PTPRN2: variants seen among roughly 807,000 people sequenced by gnomAD.
The protein encoded by PTPRN2 is protein tyrosine phosphatase receptor type N2, also known as receptor-type tyrosine-protein phosphatase N2.
PTPRN2 carries 74 observed loss-of-function variants against 118.8 expected under a neutral mutation model. That is an observed-to-expected ratio of 0.62 (90% CI 0.52 to 0.76). PTPRN2 has a LOEUF of 0.76. Ranked by LOEUF, PTPRN2 falls within the 30% of genes least tolerant of loss-of-function variation. The probability of loss-of-function intolerance (pLI) is 0.00; values close to 1 mark genes in which losing one functional copy is unlikely to be tolerated. For synonymous variants in PTPRN2, 641 were observed against 608.0 expected (o/e 1.05, Z -0.80); for missense variants, 1,481 against 1,394.4 (o/e 1.06, Z -0.99).
chr7:157,923,205 C>T (rs1176760668), intron 11 of PTPRN2, among the ~76,000 whole-genome samples: 1 of 152,224 alleles, frequency 6.6e-6, no homozygotes, highest in Admixed American at 6.5e-5. Context: ...TTATTCTTAA[C>T]CCTGACCTAT....
intron 5 of PTPRN2, among the ~76,000 whole-genome samples, chr7:158,177,031 T>C (rs142403746): frequency 3.6e-4 from 55 of 152,298 alleles, no homozygotes; most frequent in African/African-American, 1.2e-3. Flanking sequence ...TGGTGACAGT[T>C]TGGGGCTGTT....
chr7:158,511,960 C>T (rs952623080), intron 1 of PTPRN2, among the ~76,000 whole-genome samples: 1 of 152,118 alleles, frequency 6.6e-6, no homozygotes, highest in Non-Finnish European at 1.5e-5. Context: ...TTCTATGTTA[C>T]TGTAACTGTG....
intron 11 of PTPRN2, among the ~76,000 whole-genome samples, chr7:157,951,474 G>A (rs1800803292): frequency 6.6e-6 from 1 of 152,146 alleles, no homozygotes; most frequent in African/African-American, 2.4e-5. Flanking sequence ...ATGCTCATAG[G>A]AAGGGACTAA....
chr7:158,130,221 G>A (rs113124569), intron 9 of PTPRN2, among the ~76,000 whole-genome samples: 2,886 of 152,292 alleles, frequency 0.019, 73 homozygotes, highest in African/African-American at 0.058. Flanking sequence ...CGCAGAGCCC[G>A]CAGGACAGAT....
intron 3 of PTPRN2, among the ~76,000 whole-genome samples, chr7:158,245,124 A>G (rs1796136202): frequency 6.6e-6 from 1 of 152,218 alleles, no homozygotes; most frequent in Admixed American, 6.5e-5. Flanking sequence ...ATCCATGGTC[A>G]TGCCGGAATC....
intron 13 of PTPRN2, among the ~76,000 whole-genome samples, chr7:157,680,713 A>C (rs1268663958): frequency 6.6e-6 from 1 of 152,216 alleles, no homozygotes; most frequent in African/African-American, 2.4e-5. Flanking sequence ...CCTAAAGGGC[A>C]TTTTGTGGTG....
At position 158,078,718 on chromosome 7, in the gene PTPRN2, C is replaced by T. The variant is rs147125746; in HGVS notation, c.1723+2580G>A. ...CTCCCAAGGCCAATGGGCGAGTCAC[C>T]AGTCACCAACCGTGCTAAGCGCTCT... is the stretch of plus-strand genomic sequence containing the variant. On this transcript the variant is annotated intron_variant, in intron 11 of 22. Transcript: ENST00000389418. Among the ~76,000 whole-genome samples the T allele has an allele frequency of 5.7e-3, 861 of 152,312 alleles. 5 individuals are homozygous for T. Among genetic ancestry groups the T allele is most frequent in the African/African-American group, 0.019 (797 of 41,566 alleles).
At chr7:157,886,663 G>A (rs898914582) in intron 12 of PTPRN2, among the ~76,000 whole-genome samples, 1 of 152,222 alleles carries the variant, frequency 6.6e-6, no homozygotes, top group African/African-American at 2.4e-5. Context: ...TAATTATATC[G>A]AAAATACATT....
intron 2 of PTPRN2, among the ~76,000 whole-genome samples, chr7:158,327,791 C>T (rs1278377464): frequency 6.6e-6 from 1 of 152,136 alleles, no homozygotes; most frequent in Admixed American, 6.5e-5. Context: ...ATCTGTAAAT[C>T]CCGGTGCCCT....
intron 11 of PTPRN2, among the ~76,000 whole-genome samples, chr7:157,935,636 T>C (rs530462994): frequency 6.6e-6 from 1 of 152,376 alleles, no homozygotes; most frequent in East Asian, 1.9e-4. Context: ...CTCTTCTTTA[T>C]GGGTCCTAAT....
chr7:158,384,884 G>C (rs1221089631), intron 2 of PTPRN2, among the ~76,000 whole-genome samples: 1 of 152,070 alleles, frequency 6.6e-6, no homozygotes, highest in East Asian at 1.9e-4. Context: ...CACCTCTGCA[G>C]CATGTGGGCT....
intron 3 of PTPRN2, among the ~76,000 whole-genome samples, chr7:158,283,981 G>C (rs1284184787): frequency 1.3e-5 from 2 of 152,128 alleles, no homozygotes; most frequent in Non-Finnish European, 2.9e-5. Flanking sequence ...CCAGGGTTCG[G>C]GCATCAAGAT....
At chr7:158,495,643 C>G (rs764725163) in intron 1 of PTPRN2, among the ~76,000 whole-genome samples, 1 of 152,138 alleles carries the variant, frequency 6.6e-6, no homozygotes, top group African/African-American at 2.4e-5. Flanking sequence ...TCCATCGGAT[C>G]GAAAACAACG....
intron 2 of PTPRN2, among the ~76,000 whole-genome samples, chr7:158,333,701 C>G (rs1195222945): frequency 2.0e-5 from 3 of 150,894 alleles, no homozygotes; most frequent in Admixed American, 6.6e-5. Context: ...CACACTGTCA[C>G]CATAAGAGCT....
chr7:158,293,020 A>G (rs1423397214), intron 3 of PTPRN2, among the ~76,000 whole-genome samples: 16 of 152,116 alleles, frequency 1.1e-4, no homozygotes, highest in Non-Finnish European at 1.5e-5. Flanking sequence ...GTGAGTCAAG[A>G]TCACGTCACT....
rs776694017 is a variant in PTPRN2 at position 158,138,472 on chromosome 7, C to A, written c.954G>T (p.Pro318=). ...GGCCACTCAGGCCCCTCACCTCAGC[C>A]GGCTGCCTCTGCAGGTCCTTCAGGA... The part of the protein sequence containing the change: ...HTLLKDLQRQ[P]AEVRGLSGLE... Residue 318 remains proline (P), a synonymous_variant, in exon 7 of 23, where the codon CCG becomes CCT. Transcript: ENST00000389418. 3.1e-6 allele frequency: 5 copies of A among 1,612,970 alleles called. No individual in the cohort carries two copies. Among genetic ancestry groups the A allele is most frequent in the Admixed American group, 3.3e-5 (2 of 60,026 alleles).
At position 157,780,831 on chromosome 7, in the gene PTPRN2, C is replaced by A. The variant is rs1803636151; in HGVS notation, c.1789-97894G>T. Among the ~76,000 whole-genome samples the A allele has an allele frequency of 6.6e-6, 1 of 152,132 alleles. No individual in the cohort carries two copies. Among genetic ancestry groups the A allele is most frequent in the African/African-American group, 2.4e-5 (1 of 41,430 alleles). On this transcript the variant is annotated intron_variant, in intron 12 of 22. Transcript: ENST00000389418. The surrounding 1 kb of genome is among the most constrained non-coding windows in gnomAD (Gnocchi z 4.5). ...TCTGCCTCATCCGTGATGAGCTGCC[C>A]CGCGGGTCCCCACAGATCAATCAGG... is the stretch of plus-strand genomic sequence containing the variant.
chr7:158,085,153 T>C (rs1369273820), intron 10 of PTPRN2, among the ~76,000 whole-genome samples: 2 of 59,670 alleles, frequency 3.4e-5, no homozygotes, highest in African/African-American at 7.8e-5. Context: ...ATCCACACCC[T>C]CGACGCCCAT....
At chr7:158,584,000 G>A (rs990223012) in intron 1 of PTPRN2, among the ~76,000 whole-genome samples, 4 of 152,196 alleles carry the variant, frequency 2.6e-5, no homozygotes, top group Non-Finnish European at 5.9e-5. Context: ...GTCCTGCTCC[G>A]ATGGCTCTGC....
Sources: gnomAD v4.1 joint callset for allele counts (sites outside exome capture counted in the v4.1 genomes callset) on GRCh38, gnomAD v4.1.1 for gene constraint, Gnocchi (gnomAD v3.1) non-coding constraint, MANE v1.5 for transcripts, NCBI Gene and HGNC (gene_info 2026-07-23, HGNC 2026-07-21) for gene names.